The following CSMD1 variants were observed in gnomAD, a reference collection of about 807,000 sequenced individuals.
The protein encoded by CSMD1 is CUB and Sushi multiple domains 1.
A neutral mutation model predicts 417.5 loss-of-function variants in CSMD1; 213 were observed. The ratio of observed to expected loss-of-function variants is 0.51; its 90% CI spans 0.46 to 0.57. The LOEUF is 0.57. Ranked by LOEUF, CSMD1 falls within the 20% of genes least tolerant of loss-of-function variation. CSMD1 has a pLI of 0.00. For synonymous variants in CSMD1, 2,862 were observed against 1,736.8 expected (o/e 1.65, Z -16.11); for missense variants, 6,923 against 4,529.7 (o/e 1.53, Z -15.17).
intron 6 of CSMD1, among the ~76,000 whole-genome samples, chr8:3,725,828 A>C (rs1181548958): frequency 1.3e-5 from 2 of 152,164 alleles, no homozygotes; most frequent in East Asian, 1.9e-4. Flanking sequence ...TCAGTATCTC[A>C]ACCCATGTAT....
At position 3,052,579 on chromosome 8, in the gene CSMD1, T is replaced by C; in HGVS notation, c.7543A>G (p.Ser2515Gly). Residue 2515 changes from serine (S) to glycine (G), a missense_variant, in exon 50 of 70, where the codon AGT becomes GGT. Coordinates refer to ENST00000635120, the MANE Select transcript of CSMD1 (RefSeq NM_033225.6). ...TCATGACATTCATAGACCACTTTAC[T>C]GTCCAAAGTGAACTCGTTCCCGGTA... ...SFTGNEFTLD[S>G]KVVYECHEGF... is the part of the protein sequence containing the mutation. The C allele has an allele frequency of 6.2e-7, 1 of 1,611,604 alleles. No homozygotes were observed. The highest frequency in any genetic ancestry group is 8.5e-7 in the Non-Finnish European group (1 of 1,178,860).
chr8:3,295,809 T>G (rs1345975678), intron 25 of CSMD1, among the ~76,000 whole-genome samples: 1 of 152,194 alleles, frequency 6.6e-6, no homozygotes, highest in Non-Finnish European at 1.5e-5. Flanking sequence ...TAAATTACTT[T>G]CCCTGATCAC....
chr8:3,854,378 T>A (rs534471132), intron 5 of CSMD1, among the ~76,000 whole-genome samples: 2 of 152,184 alleles, frequency 1.3e-5, no homozygotes, highest in African/African-American at 4.8e-5. Context: ...AGAACACAGA[T>A]AATGAATTAA....
rs138212713 is a variant in CSMD1 at position 4,140,661 on chromosome 8, C to G, written c.416-108562G>C. 5.2e-3 allele frequency among the ~76,000 whole-genome samples: 792 copies of G among 150,898 alleles called. 68 individuals carry two copies. The highest frequency in any genetic ancestry group is 0.018 in the African/African-American group (720 of 40,262). ...CCAGGCTGGGCAACAGAGCAAGACC[C>G]TGTCTCAATTAAAAATAATAATAAT... On this transcript the variant is annotated intron_variant, in intron 3 of 69. Transcript: ENST00000635120.
chr8:3,313,831 A>T (rs138348018), intron 23 of CSMD1, among the ~76,000 whole-genome samples: 2,951 of 152,286 alleles, frequency 0.019, 44 homozygotes, highest in Non-Finnish European at 0.03. Context: ...GTATGTTTAT[A>T]GCGGCACTAT....
intron 6 of CSMD1, among the ~76,000 whole-genome samples, chr8:3,720,838 G>T (rs962253889): frequency 6.6e-6 from 1 of 151,802 alleles, no homozygotes; most frequent in East Asian, 1.9e-4. Flanking sequence ...TTTTTCGAGA[G>T]TCTCGCTCTG....
chr8:4,207,885 C>G (rs191193993), intron 3 of CSMD1, among the ~76,000 whole-genome samples: 1 of 152,008 alleles, frequency 6.6e-6, no homozygotes, highest in Non-Finnish European at 1.5e-5. Flanking sequence ...GAAATTAGTC[C>G]TCATGGAGCA....
chr8:3,646,854 G>A (rs963188499), intron 7 of CSMD1, among the ~76,000 whole-genome samples: 16 of 152,068 alleles, frequency 1.1e-4, no homozygotes, highest in African/African-American at 3.6e-4. Context: ...TTGCCTCTCT[G>A]GCTGAATTTG....
intron 6 of CSMD1, among the ~76,000 whole-genome samples, chr8:3,741,348 A>G (rs1796794504): frequency 6.6e-6 from 1 of 151,984 alleles, no homozygotes; most frequent in African/African-American, 2.4e-5. Flanking sequence ...AAGAAGTTTG[A>G]CAGTGAGAGG....
chr8:3,366,181 G>T (rs759835602), intron 20 of CSMD1, among the ~76,000 whole-genome samples: 2 of 152,150 alleles, frequency 1.3e-5, no homozygotes, highest in Non-Finnish European at 2.9e-5. Flanking sequence ...ACAAATGCAA[G>T]TTAATATGAT....
rs991432568 is a variant in CSMD1 at position 3,201,605 on chromosome 8, G to T, written c.5098+7C>A. ...CTAAATTAAGGGCAAAATTCTTTAA[G>T]ACTTACCTGAGTGAGACCCCGAGAG... On this transcript the variant is annotated splice_region_variant and intron_variant, in intron 32 of 69. Transcript: ENST00000635120. 3 of 1,562,608 alleles carry T rather than the reference G, an allele frequency of 1.9e-6. No homozygotes were observed. The highest frequency in any genetic ancestry group is 2.6e-6 in the Non-Finnish European group (3 of 1,144,668).
chr8:4,871,944 A>G (rs1466331381), intron 1 of CSMD1, among the ~76,000 whole-genome samples: 1 of 151,988 alleles, frequency 6.6e-6, no homozygotes, highest in African/African-American at 2.4e-5. Context: ...CACTATCTCT[A>G]TGGTCTGGAC....
intron 50 of CSMD1, among the ~76,000 whole-genome samples, chr8:3,044,590 G>A (rs531957508): frequency 3.1e-4 from 47 of 151,856 alleles, no homozygotes; most frequent in African/African-American, 1.0e-3. Context: ...AGCATGAATC[G>A]TGTCTTCGAT....
intron 18 of CSMD1, among the ~76,000 whole-genome samples, chr8:3,371,254 A>T (rs1182710093): frequency 6.6e-6 from 1 of 152,186 alleles, no homozygotes; most frequent in African/African-American, 2.4e-5. Flanking sequence ...TCTCTGGAGC[A>T]CACTGACTAA....
At chr8:4,566,579 G>C (rs1444733942) in intron 2 of CSMD1, among the ~76,000 whole-genome samples, 2 of 144,512 alleles carry the variant, frequency 1.4e-5, no homozygotes, top group African/African-American at 2.6e-5. Context: ...CGTGAACCCA[G>C]GAGGTGGAGC....
At chr8:4,620,069 C>A (rs1801684642) in intron 2 of CSMD1, among the ~76,000 whole-genome samples, 2 of 151,820 alleles carry the variant, frequency 1.3e-5, no homozygotes, top group South Asian at 2.1e-4. Context: ...TTTATTAACA[C>A]AATAAATACT....
At chr8:4,907,678 C>A (rs1230450717) in intron 1 of CSMD1, among the ~76,000 whole-genome samples, 1 of 151,908 alleles carries the variant, frequency 6.6e-6, no homozygotes, top group Non-Finnish European at 1.5e-5. Flanking sequence ...TCCTAGTCAA[C>A]TACTAGAGTA....
chr8:4,176,556 C>A (rs921895844), intron 3 of CSMD1, among the ~76,000 whole-genome samples: 2 of 151,958 alleles, frequency 1.3e-5, no homozygotes, highest in Non-Finnish European at 2.9e-5. Flanking sequence ...TAATATACCC[C>A]ATTTTGGCAG....
At chr8:4,339,302 T>C (rs1800345646) in intron 3 of CSMD1, among the ~76,000 whole-genome samples, 1 of 152,130 alleles carries the variant, frequency 6.6e-6, no homozygotes, top group Non-Finnish European at 1.5e-5. Context: ...CTTTCAGTTC[T>C]TACCATTTTG....
Sources: gnomAD v4.1 joint callset for allele counts (sites outside exome capture counted in the v4.1 genomes callset) on GRCh38, gnomAD v4.1.1 for gene constraint, MANE v1.5 for transcripts, NCBI Gene and HGNC (gene_info 2026-07-23, HGNC 2026-07-21) for gene names.